The following IL27RA variants were observed in gnomAD, a reference collection of about 807,000 sequenced individuals.
IL27RA encodes the protein interleukin-27 receptor subunit alpha.
In IL27RA, 61 loss-of-function variants were observed where a neutral mutation model predicts 80.8. That is an observed-to-expected ratio of 0.76 (90% CI 0.61 to 0.93). The LOEUF (loss-of-function observed/expected upper bound fraction) is 0.93. Ranked by LOEUF, IL27RA falls within the 40% of genes least tolerant of loss-of-function variation. The pLI is 0.00. For missense variants in IL27RA, 735 were observed against 808.1 expected (o/e 0.91, Z 1.10); for synonymous variants, 316 against 332.5 (o/e 0.95, Z 0.54).
At chr19:14,045,858 C>G (rs996227210) in intron 6 of IL27RA, among the ~76,000 whole-genome samples, 2 of 151,410 alleles carry the variant, frequency 1.3e-5, no homozygotes, top group Admixed American at 6.6e-5. Context: ...AACCCCGTCT[C>G]TACTAAAAAT....
rs1555764856 is a variant in IL27RA at position 14,037,834 on chromosome 19, C to CTT, written c.219-1660_219-1659dup. On this transcript the variant is annotated intron_variant, in intron 2 of 13. Coordinates refer to ENST00000263379, the MANE Select transcript of IL27RA (RefSeq NM_004843.4). Reference sequence around the variant, plus strand: ...AGTGAGACCCTCTCGCTCTCTCTCTCTTTTTTTTTTTTTTTGAAATGGAGT... The same window carrying CTT: ...AGTGAGACCCTCTCGCTCTCTCTCTCTTTTTTTTTTTTTTTTTGAAATGGAGT... 1.3e-3 allele frequency among the ~76,000 whole-genome samples: 171 copies of CTT among 129,414 alleles called. 2 individuals carry two copies. The highest frequency in any genetic ancestry group is 4.6e-3 in the African/African-American group (165 of 35,520). 84.9% of individuals were successfully genotyped at this position (129,414 alleles called of 152,430 possible). A position where few individuals can be genotyped will look rare whatever the true frequency, so the allele number is the denominator to read the frequency against.
In IL27RA at chr19:14,046,263, C is replaced by A; in HGVS notation, c.878C>A (p.Ala293Glu). 2 of 1,614,108 alleles carry A rather than the reference C, an allele frequency of 1.2e-6. No homozygotes were observed. The highest frequency in any genetic ancestry group is 1.7e-6 in the Non-Finnish European group (2 of 1,180,034). The change falls in exon 7 of 14, where the codon GCG becomes GAG. Residue 293 changes from alanine to glutamate, a missense_variant. By Grantham distance (107) the Ala-to-Glu change is moderately radical. Coordinates refer to ENST00000263379, the MANE Select transcript of IL27RA (RefSeq NM_004843.4). ...TGCTGCTCCCTAATTCCCAGTGGGG[C>A]GGAGTGGGCCAGGGTGTCCGCTGTC... ...TCCCSLIPSG[A>E]EWARVSAVNA...
At chr19:14,037,300 G>A (rs1975917391) in intron 2 of IL27RA, among the ~76,000 whole-genome samples, 1 of 148,420 alleles carries the variant, frequency 6.7e-6, no homozygotes, top group South Asian at 2.1e-4. Context: ...TCACTCTGTT[G>A]CCCAGGCTGG....
intron 8 of IL27RA, among the ~76,000 whole-genome samples, chr19:14,048,614 A>C (rs749572775): frequency 2.0e-5 from 3 of 152,112 alleles, no homozygotes; most frequent in Non-Finnish European, 2.9e-5. Flanking sequence ...CCTGCCTGAG[A>C]AGCAAGATGG....
intron 6 of IL27RA, 140 bp from the exon 7 acceptor site, chr19:14,046,014 A>C (rs1976059135): frequency 2.5e-6 from 2 of 808,600 alleles, no homozygotes; most frequent in Admixed American, 2.6e-5. Flanking sequence ...AACAGAATGA[A>C]GACTCCGTCT....
intron 4 of IL27RA, 92 bp downstream of exon 4, chr19:14,040,002 G>A: frequency 7.7e-7 from 1 of 1,305,772 alleles, no homozygotes; most frequent in Non-Finnish European, 1.1e-6. Context: ...GACTCATTCT[G>A]TGCCTGCCCC....
At chr19:14,046,673 G>A in intron 8 of IL27RA, 55 bp downstream of exon 8, 1 of 1,477,240 alleles carries the variant, frequency 6.8e-7, no homozygotes, top group Non-Finnish European at 9.2e-7. Context: ...AGACGGATGG[G>A]TGGACTTGTA....
At chr19:14,044,211 C>T (rs1025383343) in intron 6 of IL27RA, among the ~76,000 whole-genome samples, 3 of 151,878 alleles carry the variant, frequency 2.0e-5, no homozygotes, top group Admixed American at 1.3e-4. Context: ...GGTTTTCCAC[C>T]TTCTTAGACC....
At chr19:14,049,418 C>T (rs1432887539) in intron 10 of IL27RA, 104 bp downstream of exon 10, 1 of 1,197,182 alleles carries the variant, frequency 8.4e-7, no homozygotes, top group East Asian at 2.6e-5. Context: ...GCCCAGGGAC[C>T]ATACATGGTG....
At chr19:14,049,808 G>A (rs928665604) in intron 10 of IL27RA, among the ~76,000 whole-genome samples, 1 of 151,822 alleles carries the variant, frequency 6.6e-6, no homozygotes, top group Non-Finnish European at 1.5e-5. Context: ...TCGAACTCCT[G>A]ACCTCGTGAT....
Position 14,039,922 on chromosome 19 carries a change from G to C in IL27RA, c.534+12G>C, listed in dbSNP as rs1177014232. 1 of 1,613,010 alleles carries C rather than the reference G, an allele frequency of 6.2e-7. No individual in the cohort carries two copies. Among genetic ancestry groups the C allele is most frequent in the African/African-American group, 1.3e-5 (1 of 75,000 alleles). On this transcript the variant is annotated intron_variant, in intron 4 of 13. Transcript: ENST00000263379. ...CGGCCTGGACCCTGGTGAGTGCTGG[G>C]GTCCTTTTCTCCCCACCCTATTCCG...
chr19:14,031,774 G>A lies in IL27RA; in HGVS notation c.-99G>A. On this transcript the variant is annotated 5_prime_UTR_variant, in exon 1 of 14. Transcript: ENST00000263379. Reference sequence around the variant, plus strand: ...GCCTGCCGGGGTGGTTCGGCTTCCCGTTGCCGCCTCGGGCGCTGTACCCAG... The same window carrying A: ...GCCTGCCGGGGTGGTTCGGCTTCCCATTGCCGCCTCGGGCGCTGTACCCAG... 2 of 1,010,100 alleles carry A rather than the reference G, an allele frequency of 2.0e-6. No individual in the cohort carries two copies. Among genetic ancestry groups the A allele is most frequent in the African/African-American group, 1.7e-5 (1 of 59,796 alleles). The allele number at this position is 1,010,100 out of a possible 1,614,324, so 62.6% of individuals were successfully genotyped here.
chr19:14,050,733 C>A (rs551637377), intron 10 of IL27RA, 25 bp from the exon 11 acceptor site: 2 of 1,596,972 alleles, frequency 1.3e-6, no homozygotes, highest in East Asian at 2.3e-5. Flanking sequence ...ACCACCTCCC[C>A]AACTTCTTTG....
At chr19:14,041,727 A>AC (rs1000542564) in intron 4 of IL27RA, among the ~76,000 whole-genome samples, 3 of 151,772 alleles carry the variant, frequency 2.0e-5, no homozygotes, top group Non-Finnish European at 4.4e-5. Flanking sequence ...TGTTCTGGAA[A>AC]CCCCCTTGGT....
intron 6 of IL27RA, 134 bp from the exon 7 acceptor site, chr19:14,046,020 C>T (rs936311068): frequency 1.2e-5 from 10 of 852,680 alleles, no homozygotes; most frequent in African/African-American, 7.1e-5. Flanking sequence ...ATGAAGACTC[C>T]GTCTCAAAAA....
intron 6 of IL27RA, among the ~76,000 whole-genome samples, chr19:14,043,371 A>G (rs1976019794): frequency 6.6e-6 from 1 of 151,978 alleles, no homozygotes; most frequent in African/African-American, 2.4e-5. Context: ...TGACAGCGAG[A>G]CTGGAGCTCA....
chr19:14,031,982 G>T lies in IL27RA; in HGVS notation c.100+10G>T. 1 of 1,602,310 alleles carries T rather than the reference G, an allele frequency of 6.2e-7. No individual in the cohort carries two copies. The highest frequency in any genetic ancestry group is 8.5e-7 in the Non-Finnish European group (1 of 1,173,498). ...CGGACGCGTCCCCAGGGTGAGTGCT[G>T]GAGGGAGCTCGTGTCCCGGGCGCTG... On this transcript the variant is annotated intron_variant, in intron 1 of 13. Transcript: ENST00000263379.
chr19:14,035,300 A>G (rs934993920), intron 2 of IL27RA, among the ~76,000 whole-genome samples: 8 of 150,786 alleles, frequency 5.3e-5, no homozygotes, highest in African/African-American at 1.5e-4. Context: ...CCTGGCCAAA[A>G]TCTACGATCT....
At position 14,052,422 on chromosome 19, in the gene IL27RA, G is replaced by A. The variant is rs1976190497; in HGVS notation, c.*132G>A. On this transcript the variant is annotated 3_prime_UTR_variant, in exon 14 of 14. Coordinates refer to ENST00000263379, the MANE Select transcript of IL27RA (RefSeq NM_004843.4). Reference sequence around the variant, plus strand: ...AGAGAGGCTGAGTCACTTACCTGAGGACACCCAGCCAGGCAGAGCTGGGAT... The same window carrying A: ...AGAGAGGCTGAGTCACTTACCTGAGAACACCCAGCCAGGCAGAGCTGGGAT... 2.8e-6 allele frequency: 2 copies of A among 706,384 alleles called. No homozygotes were observed. Among genetic ancestry groups the A allele is most frequent in the Non-Finnish European group, 4.3e-6 (2 of 460,088 alleles). 43.8% of individuals were successfully genotyped at this position (706,384 alleles called of 1,614,324 possible). A position where few individuals can be genotyped will look rare whatever the true frequency, so the allele number is the denominator to read the frequency against.
Sources: gnomAD v4.1 joint callset for allele counts (sites outside exome capture counted in the v4.1 genomes callset) on GRCh38, gnomAD v4.1.1 for gene constraint, MANE v1.5 for transcripts, NCBI Gene and HGNC (gene_info 2026-07-23, HGNC 2026-07-21) for gene names.